The following TOP6BL variants were observed in gnomAD, a reference collection of about 807,000 sequenced individuals.
TOP6BL encodes the protein type 2 DNA topoisomerase 6 subunit B-like.
At chr11:66,814,345 G>A in the TOP6BL span, among the ~76,000 whole-genome samples, 270 of 152,096 alleles carry the variant, frequency 1.8e-3, 1 homozygote, top group Non-Finnish European at 2.5e-3. Context: ...TGCAACCTCC[G>A]CCTCCCGGGT....
At chr11:66,843,065 T>C in the TOP6BL span, 1 of 1,572,638 alleles carries the variant, frequency 6.4e-7, no homozygotes, top group Non-Finnish European at 8.6e-7. Flanking sequence ...GGAAGCCGCC[T>C]GGAGGTAACT....
chr11:66,798,706 C>T, the TOP6BL span, among the ~76,000 whole-genome samples: 1 of 150,750 alleles, frequency 6.6e-6, no homozygotes, highest in Non-Finnish European at 1.5e-5. Flanking sequence ...TGATATAGGG[C>T]TCAATATATT....
chr11:66,838,577 C>A, the TOP6BL span: 1 of 760,790 alleles, frequency 1.3e-6, no homozygotes, highest in Non-Finnish European at 2.1e-6. Flanking sequence ...TGGGCTGTTG[C>A]TGCCACTGTG....
the TOP6BL span, among the ~76,000 whole-genome samples, chr11:66,764,149 A>G: frequency 1.3e-5 from 2 of 152,158 alleles, no homozygotes; most frequent in Admixed American, 6.5e-5. Context: ...AATATCAGCT[A>G]TTGTCCTGAA....
the TOP6BL span, among the ~76,000 whole-genome samples, chr11:66,746,079 G>T: frequency 2.0e-5 from 3 of 152,084 alleles, no homozygotes; most frequent in African/African-American, 4.8e-5. Context: ...CCAAAGTGCT[G>T]GGACCGGCGT....
At chr11:66,810,694 C>T in the TOP6BL span, among the ~76,000 whole-genome samples, 4 of 152,140 alleles carry the variant, frequency 2.6e-5, no homozygotes, top group African/African-American at 4.8e-5. Flanking sequence ...ACAGTAGCTA[C>T]CTGTAGAGGT....
At chr11:66,788,274 G>A in the TOP6BL span, 7 of 1,583,408 alleles carry the variant, frequency 4.4e-6, no homozygotes, top group Non-Finnish European at 6.1e-6. Flanking sequence ...TTTGAGGCAG[G>A]TTTTGTTGTG....
chr11:66,745,314 T>TGG, the TOP6BL span, among the ~76,000 whole-genome samples: 1 of 111,052 alleles, frequency 9.0e-6, no homozygotes, highest in Non-Finnish European at 1.8e-5. Context: ...CGGGGCGGGG[T>TGG]GGGGGGAGTC....
At chr11:66,832,252 C>T in the TOP6BL span, among the ~76,000 whole-genome samples, 1 of 151,828 alleles carries the variant, frequency 6.6e-6, no homozygotes, top group Non-Finnish European at 1.5e-5. Flanking sequence ...CACCTGCCAC[C>T]ATGCCCGACT....
the TOP6BL span, among the ~76,000 whole-genome samples, chr11:66,763,886 GTGAGCCACCC>G: frequency 6.6e-6 from 1 of 152,202 alleles, no homozygotes; most frequent in South Asian, 2.1e-4. Flanking sequence ...GATTACAAGT[GTGAGCCACCC>G]TGCCCAGCCA....
At chr11:66,748,656 T>A in the TOP6BL span, 1 of 701,132 alleles carries the variant, frequency 1.4e-6, no homozygotes, top group South Asian at 2.8e-5. Flanking sequence ...GATTATGTAA[T>A]AAGTGTCTGG....
chr11:66,745,309 C>CGGGGGGGGGG, the TOP6BL span, among the ~76,000 whole-genome samples: 16 of 11,768 alleles, frequency 1.4e-3, no homozygotes, highest in Non-Finnish European at 1.9e-3. Flanking sequence ...CGTTGCGGGG[C>CGGGGGGGGGG]GGGGTGGGGG....
At chr11:66,843,079 C>A in the TOP6BL span, 1 of 1,580,060 alleles carries the variant, frequency 6.3e-7, no homozygotes, top group Non-Finnish European at 8.6e-7. Flanking sequence ...GGTAACTGGG[C>A]GAGGGCCGCG....
the TOP6BL span, chr11:66,761,582 C>T: frequency 8.6e-7 from 1 of 1,168,896 alleles, no homozygotes; most frequent in Non-Finnish European, 1.2e-6. Flanking sequence ...GCTCTACTGG[C>T]TCTTGACAAA....
chr11:66,790,130 G>T, the TOP6BL span, among the ~76,000 whole-genome samples: 1 of 152,010 alleles, frequency 6.6e-6, no homozygotes, highest in African/African-American at 2.4e-5. Flanking sequence ...AAATTAGCCG[G>T]GTGTGGTGGC....
the TOP6BL span, among the ~76,000 whole-genome samples, chr11:66,817,803 T>A: frequency 6.6e-6 from 1 of 152,038 alleles, no homozygotes; most frequent in African/African-American, 2.4e-5. Context: ...CACCTCGGCC[T>A]CCCAAAGTGC....
At chr11:66,803,300 G>A in the TOP6BL span, among the ~76,000 whole-genome samples, 1 of 152,304 alleles carries the variant, frequency 6.6e-6, no homozygotes, top group South Asian at 2.1e-4. Flanking sequence ...ATAAGAAACA[G>A]GCTGGTCATG....
chr11:66,832,188 C>G, the TOP6BL span, among the ~76,000 whole-genome samples: 4 of 151,384 alleles, frequency 2.6e-5, no homozygotes, highest in Non-Finnish European at 2.9e-5. Flanking sequence ...AGCTCCACCC[C>G]CCGGGTTCAC....
At chr11:66,790,296 C>G in the TOP6BL span, among the ~76,000 whole-genome samples, 1 of 151,732 alleles carries the variant, frequency 6.6e-6, no homozygotes, top group Non-Finnish European at 1.5e-5. Context: ...GTTACTTGAT[C>G]CCAAGGAACC....
Sources: gnomAD v4.1 joint callset for allele counts (sites outside exome capture counted in the v4.1 genomes callset) on GRCh38, gnomAD v4.1.1 for gene constraint, MANE v1.5 for transcripts, NCBI Gene and HGNC (gene_info 2026-07-23, HGNC 2026-07-21) for gene names.